CSMD1: variants seen among roughly 807,000 people sequenced by gnomAD.
CSMD1 encodes CUB and Sushi multiple domains 1, also known as CUB and sushi domain-containing protein 1.
In CSMD1, 213 loss-of-function variants were observed where a neutral mutation model predicts 417.5. That is an observed-to-expected ratio of 0.51 (90% CI 0.46 to 0.57). The LOEUF (loss-of-function observed/expected upper bound fraction) is 0.57, where lower values mean the gene tolerates loss of function less well. CSMD1 is among the 20% of genes least tolerant of loss of function. The pLI, the probability that CSMD1 is intolerant of heterozygous loss-of-function variation, is 0.00. For synonymous variants in CSMD1, 2,862 were observed against 1,736.8 expected (o/e 1.65, Z -16.11); for missense variants, 6,923 against 4,529.7 (o/e 1.53, Z -15.17).
At chr8:3,674,436 C>A (rs533783920) in intron 7 of CSMD1, among the ~76,000 whole-genome samples, 3 of 152,064 alleles carry the variant, frequency 2.0e-5, no homozygotes, top group Non-Finnish European at 2.9e-5. Flanking sequence ...ATAGAAAATA[C>A]CACCATGGCT....
chr8:3,771,534 C>T (rs567622023), intron 5 of CSMD1, among the ~76,000 whole-genome samples: 2 of 152,130 alleles, frequency 1.3e-5, no homozygotes, highest in African/African-American at 4.8e-5. Context: ...ATTTGGGTGA[C>T]TGGATAGCAT....
chr8:4,269,024 G>A (rs376043675), intron 3 of CSMD1, among the ~76,000 whole-genome samples: 2 of 152,096 alleles, frequency 1.3e-5, no homozygotes, highest in South Asian at 2.1e-4. Context: ...AATACACAAT[G>A]AGGTGCATTT....
chr8:4,195,902 C>T (rs918586970), intron 3 of CSMD1, among the ~76,000 whole-genome samples: 3 of 152,022 alleles, frequency 2.0e-5, no homozygotes, highest in Admixed American at 6.6e-5. Flanking sequence ...AGTCCCACCC[C>T]GAGAAAACTA....
At chr8:4,732,176 C>G (rs293888) in intron 1 of CSMD1, among the ~76,000 whole-genome samples, 1 of 151,834 alleles carries the variant, frequency 6.6e-6, no homozygotes. Context: ...CAAAAGCGTT[C>G]GGTAGCAGAC....
intron 1 of CSMD1, among the ~76,000 whole-genome samples, chr8:4,699,716 T>C (rs574550964): frequency 1.3e-5 from 2 of 152,314 alleles, no homozygotes; most frequent in Admixed American, 6.5e-5. Context: ...AGACAATTTA[T>C]GAGGTGTTAA....
intron 3 of CSMD1, among the ~76,000 whole-genome samples, chr8:4,263,584 A>G (rs1804034846): frequency 6.6e-6 from 1 of 152,180 alleles, no homozygotes; most frequent in South Asian, 2.1e-4. Context: ...ATCATGAGTC[A>G]ATTTTCACTG....
At chr8:4,818,602 C>T (rs577022183) in intron 1 of CSMD1, among the ~76,000 whole-genome samples, 2 of 152,274 alleles carry the variant, frequency 1.3e-5, no homozygotes, top group South Asian at 4.1e-4. Flanking sequence ...TGTCAGGCCA[C>T]TTGTCACACC....
At chr8:3,898,446 G>T (rs922081204) in intron 5 of CSMD1, among the ~76,000 whole-genome samples, 8 of 152,182 alleles carry the variant, frequency 5.3e-5, no homozygotes, top group African/African-American at 1.9e-4. Flanking sequence ...ATGTCATCAA[G>T]TAAGTTGAAT....
chr8:3,614,324 G>A (rs1469597709), intron 8 of CSMD1, among the ~76,000 whole-genome samples: 1 of 151,906 alleles, frequency 6.6e-6, no homozygotes, highest in African/African-American at 2.4e-5. Flanking sequence ...CTATACGTCT[G>A]CACAACCTAG....
At chr8:3,464,504 A>G (rs1816690393) in intron 12 of CSMD1, among the ~76,000 whole-genome samples, 1 of 151,504 alleles carries the variant, frequency 6.6e-6, no homozygotes. Flanking sequence ...CCCCGGACTC[A>G]CATTATCTTT....
chr8:3,063,431 A>G (rs1812722148), intron 49 of CSMD1, among the ~76,000 whole-genome samples: 1 of 152,246 alleles, frequency 6.6e-6, no homozygotes, highest in Admixed American at 6.5e-5. Context: ...ACTGTTGATG[A>G]CCTATGGTGG....
At chr8:4,482,830 A>T (rs1388071466) in intron 2 of CSMD1, among the ~76,000 whole-genome samples, 1 of 152,214 alleles carries the variant, frequency 6.6e-6, no homozygotes, top group Non-Finnish European at 1.5e-5. Context: ...AATGCAAATC[A>T]ATACTAAAAC....
At chr8:3,637,227 T>G (rs928504930) in intron 7 of CSMD1, among the ~76,000 whole-genome samples, 2 of 152,220 alleles carry the variant, frequency 1.3e-5, no homozygotes, top group African/African-American at 4.8e-5. Flanking sequence ...TTTTACTAGG[T>G]AATTTGTAAT....
chr8:4,024,423 A>T (rs1265208478), intron 4 of CSMD1, among the ~76,000 whole-genome samples: 1 of 152,170 alleles, frequency 6.6e-6, no homozygotes, highest in Non-Finnish European at 1.5e-5. Flanking sequence ...TTATTATTAA[A>T]CTCTTCAACC....
At chr8:3,490,785 T>A (rs1220841580) in intron 11 of CSMD1, among the ~76,000 whole-genome samples, 1 of 152,162 alleles carries the variant, frequency 6.6e-6, no homozygotes, top group Non-Finnish European at 1.5e-5. Flanking sequence ...GCAGGCAGTG[T>A]GTGCGACGAT....
At position 4,282,145 on chromosome 8, in the gene CSMD1, C is replaced by T. The variant is rs145356075; in HGVS notation, c.415+137808G>A. Among the ~76,000 whole-genome samples, 13 of 152,300 alleles carry T rather than the reference C, an allele frequency of 8.5e-5. 1 individual carries two copies. The highest frequency in any genetic ancestry group is 2.9e-4 in the African/African-American group (12 of 41,562). On this transcript the variant is annotated intron_variant, in intron 3 of 69. Coordinates refer to ENST00000635120, the MANE Select transcript of CSMD1 (RefSeq NM_033225.6). ...TAAACTTTAAAGTTATACAATATTG[C>T]TCAAATACGATTTCAAAATAACTTC...
At chr8:4,474,510 G>C (rs1281588786) in intron 2 of CSMD1, among the ~76,000 whole-genome samples, 2 of 152,198 alleles carry the variant, frequency 1.3e-5, no homozygotes, top group Non-Finnish European at 2.9e-5. Context: ...TTAGAGAGCA[G>C]ATTAGTACAA....
At chr8:4,966,911 C>T (rs892802567) in intron 1 of CSMD1, among the ~76,000 whole-genome samples, 1 of 152,150 alleles carries the variant, frequency 6.6e-6, no homozygotes, top group Admixed American at 6.5e-5. Flanking sequence ...ACTAAAGTGA[C>T]TGAAGCATTG....
chr8:4,290,172 T>C (rs1285937047), intron 3 of CSMD1, among the ~76,000 whole-genome samples: 2 of 152,156 alleles, frequency 1.3e-5, no homozygotes, highest in African/African-American at 2.4e-5. Flanking sequence ...AAAGCAGAGT[T>C]GCGTGGACTT....
Sources: allele counts gnomAD v4.1 joint callset (sites outside exome capture counted in the v4.1 genomes callset), GRCh38; gene constraint gnomAD v4.1.1; transcripts MANE v1.5; gene names NCBI Gene and HGNC (gene_info 2026-07-23, HGNC 2026-07-21).